COPZ2: variants seen among roughly 807,000 people sequenced by gnomAD.
COPZ2 encodes coat protein complex I subunit zeta 2.
COPZ2 carries 30 observed loss-of-function variants against 33.2 expected under a neutral mutation model. That is an observed-to-expected ratio of 0.90 (90% CI 0.68 to 1.23). The LOEUF (loss-of-function observed/expected upper bound fraction) is 1.23, where lower values mean the gene tolerates loss of function less well. COPZ2 is among the 50% of genes most tolerant of loss of function. COPZ2 has a pLI of 0.00. For missense variants in COPZ2, 263 were observed against 262.4 expected (o/e 1.00, Z -0.02); for synonymous variants, 89 against 102.6 (o/e 0.87, Z 0.80).
rs556478061 is a variant in COPZ2 at position 48,037,244 on chromosome 17, G to C, written c.112-319C>G. 2.3e-5 allele frequency: 14 copies of C among 597,064 alleles called. No homozygotes were observed. In the East Asian group the frequency reaches 3.3e-4, roughly 14 times the overall value. The allele number at this position is 597,064 out of a possible 1,614,324, so 37.0% of individuals were successfully genotyped here. Reference sequence around the variant, plus strand: ...GTATCACAGAACCTGGGCCGGGGGGGACAGCGGGCCGAGCCTCCTTCTTCC... The same window carrying C: ...GTATCACAGAACCTGGGCCGGGGGGCACAGCGGGCCGAGCCTCCTTCTTCC... On this transcript the variant is annotated intron_variant, in intron 1 of 8. Coordinates refer to ENST00000621465, the MANE Select transcript of COPZ2 (RefSeq NM_016429.4). The surrounding 1 kb of genome is among the most constrained non-coding windows in gnomAD (Gnocchi z 5.6).
At chr17:48,043,761 T>C in the COPZ2 span, among the ~76,000 whole-genome samples, 2 of 152,212 alleles carry the variant, frequency 1.3e-5, no homozygotes, top group African/African-American at 2.4e-5. Flanking sequence ...GTTATCTCCA[T>C]TTAGCTCGGG....
At chr17:48,026,866 T>C (rs1250713211) in intron 8 of COPZ2, among the ~76,000 whole-genome samples, 1 of 152,252 alleles carries the variant, frequency 6.6e-6, no homozygotes, top group African/African-American at 2.4e-5. Flanking sequence ...GCTCTGGCCA[T>C]GGCTGGCAAT....
At position 48,037,635 on chromosome 17, in the gene COPZ2, G is replaced by A; in HGVS notation, c.111+32C>T. ...GCTCTGTCCCTGCCCAGCTCCCGCC[G>A]CCCGGGATCCCCGCGCCCGCCCGCT... On this transcript the variant is annotated intron_variant, in intron 1 of 8. Coordinates refer to ENST00000621465, the MANE Select transcript of COPZ2 (RefSeq NM_016429.4). The surrounding 1 kb of genome is among the most constrained non-coding windows in gnomAD (Gnocchi z 5.6). 9.3e-7 allele frequency: 1 copy of A among 1,074,526 alleles called. No individual in the cohort carries two copies. The highest frequency in any genetic ancestry group is 1.1e-6 in the Non-Finnish European group (1 of 887,814). 66.6% of individuals were successfully genotyped at this position (1,074,526 alleles called of 1,614,324 possible).
At position 48,033,877 on chromosome 17, in the gene COPZ2, G is replaced by A. The variant is rs193282664; in HGVS notation, c.254C>T (p.Thr85Ile). 203 of 1,609,934 alleles carry A rather than the reference G, an allele frequency of 1.3e-4. No individual in the cohort carries two copies. The highest frequency in any genetic ancestry group is 1.6e-4 in the Non-Finnish European group (190 of 1,177,736). ...GGGACACTTACTCTCAGTCCGGCTG[G>A]TCTTGTTGAAGACATTTTTCTCGAA... Reference protein sequence around the residue: ...MVFEKNVFNKTSRTESEIAFF... With the variant: ...MVFEKNVFNKISRTESEIAFF... Residue 85 changes from threonine (T) to isoleucine (I), a missense_variant, in exon 3 of 9, where the codon ACC becomes ATC. Thr to Ile is a moderately conservative substitution (Grantham distance 89, BLOSUM62 -1). Coordinates refer to ENST00000621465, the MANE Select transcript of COPZ2 (RefSeq NM_016429.4).
At chr17:48,031,617 T>A (rs2036895989) in intron 6 of COPZ2, 1 of 153,670 alleles carries the variant, frequency 6.5e-6, no homozygotes, top group African/African-American at 2.4e-5. Flanking sequence ...GGAGGCAACA[T>A]CTATTGAATG....
upstream of COPZ2, among the ~76,000 whole-genome samples, chr17:48,041,918 T>A (rs2037066056): frequency 6.6e-6 from 1 of 150,922 alleles, no homozygotes; most frequent in South Asian, 2.1e-4. Flanking sequence ...ACCAGCAGCC[T>A]CCAGAAGGGA....
chr17:48,046,481 G>A, the COPZ2 span: 1 of 152,140 alleles, frequency 6.6e-6, no homozygotes, highest in African/African-American at 2.4e-5. Context: ...TGTAGCGACG[G>A]GGGTCTCACT....
chr17:48,033,819 A>T (rs1598262172), intron 3 of COPZ2, 44 bp downstream of exon 3: 2 of 1,385,300 alleles, frequency 1.4e-6, no homozygotes, highest in Admixed American at 1.8e-5. Flanking sequence ...AGAAGATGAC[A>T]GTGTGCATCT....
At chr17:48,044,608 A>G in the COPZ2 span, among the ~76,000 whole-genome samples, 2 of 152,128 alleles carry the variant, frequency 1.3e-5, no homozygotes, top group African/African-American at 4.8e-5. Flanking sequence ...GGGTGATTCT[A>G]ATATGCAGCC....
upstream of COPZ2, among the ~76,000 whole-genome samples, chr17:48,040,914 C>T (rs1255369592): frequency 6.6e-6 from 1 of 151,530 alleles, no homozygotes; most frequent in East Asian, 1.9e-4. Context: ...CTTTGAGAGG[C>T]CAAGGCGGGC....
At chr17:48,042,895 T>C (rs2037075407), upstream of COPZ2, among the ~76,000 whole-genome samples, 1 of 152,214 alleles carries the variant, frequency 6.6e-6, no homozygotes, top group Non-Finnish European at 1.5e-5. Flanking sequence ...AGAACTTCTT[T>C]CTCTCCATGA....
At chr17:48,034,265 C>A (rs1454754607) in intron 2 of COPZ2, among the ~76,000 whole-genome samples, 2 of 152,142 alleles carry the variant, frequency 1.3e-5, no homozygotes, top group African/African-American at 4.8e-5. Flanking sequence ...TGCGCCACCA[C>A]GCCCAGCTAA....
upstream of COPZ2, among the ~76,000 whole-genome samples, chr17:48,042,311 T>C (rs914784007): frequency 4.6e-5 from 7 of 152,012 alleles, no homozygotes; most frequent in African/African-American, 1.7e-4. Flanking sequence ...TTTTTTTTAT[T>C]TTTAGTAGAG....
At chr17:48,033,832 T>C (rs769661806) in intron 3 of COPZ2, 31 bp downstream of exon 3, 17 of 1,516,800 alleles carry the variant, frequency 1.1e-5, no homozygotes, top group Admixed American at 1.8e-5. Context: ...GTGCATCTGA[T>C]AGTCTGCTGG....
the COPZ2 span, chr17:48,043,534 C>T: frequency 1.0e-6 from 1 of 985,410 alleles, no homozygotes; most frequent in South Asian, 4.7e-5. Context: ...CTAGAGAAAA[C>T]TAAAGCTTCC....
chr17:48,033,077 C>A, intron 4 of COPZ2, 134 bp downstream of exon 4: 4 of 651,034 alleles, frequency 6.1e-6, no homozygotes, highest in Non-Finnish European at 1.1e-5. Context: ...TCTGGCTGCC[C>A]TCCTCTACCC....
In COPZ2 at chr17:48,032,195, T is replaced by C; in HGVS notation, c.455A>G (p.Asp152Gly). ...CTCGTCCAGCACCAAGAAGGCTCCGTCCATGTTCTCCAGCAACCAGCGCTT... is the reference window on the plus strand; with the variant it reads ...CTCGTCCAGCACCAAGAAGGCTCCGCCCATGTTCTCCAGCAACCAGCGCTT... ...VEKRWLLENM[D>G]GAFLVLDEIV... The change falls in exon 6 of 9, where the codon GAC becomes GGC. Residue 152 changes from aspartate to glycine, a missense_variant. Transcript: ENST00000621465. The C allele has an allele frequency of 6.2e-7, 1 of 1,613,452 alleles. No homozygotes were observed. The highest frequency in any genetic ancestry group is 8.5e-7 in the Non-Finnish European group (1 of 1,179,744).
Position 48,037,771 on chromosome 17 carries a change from G to T in COPZ2, c.7C>A (p.Arg3=). The stretch of plus-strand genomic sequence containing the variant: ...TGCGGACGTGGCCAGGCCTCGGGCC[G>T]CTGCATTCCGCTCGCCGCCTCGCAC... MQ[R]PEAWPRPHPG... The change falls in exon 1 of 9, where the codon CGG becomes AGG. Residue 3 remains arginine (R), a synonymous_variant. Transcript: ENST00000621465. This position sits in a 1 kb window ranked among gnomAD's most constrained non-coding sequence, Gnocchi z 5.6. The T allele has an allele frequency of 3.0e-6, 3 of 1,014,456 alleles. No individual in the cohort carries two copies. Among genetic ancestry groups the T allele is most frequent in the Non-Finnish European group, 3.5e-6 (3 of 852,314 alleles). The allele number at this position is 1,014,456 out of a possible 1,614,324, so 62.8% of individuals were successfully genotyped here. A position where few individuals can be genotyped will look rare whatever the true frequency, so the allele number is the denominator to read the frequency against.
At chr17:48,046,954 A>C in the COPZ2 span, 2 of 152,246 alleles carry the variant, frequency 1.3e-5, no homozygotes, top group African/African-American at 2.4e-5. Context: ...GCTTGAGTCC[A>C]GGAGTTCCAG....
Sources: gnomAD v4.1 joint callset for allele counts (sites outside exome capture counted in the v4.1 genomes callset) on GRCh38, gnomAD v4.1.1 for gene constraint, Gnocchi (gnomAD v3.1) non-coding constraint, MANE v1.5 for transcripts, NCBI Gene and HGNC (gene_info 2026-07-23, HGNC 2026-07-21) for gene names.